CLTA: variants seen among roughly 807,000 people sequenced by gnomAD.
The protein encoded by CLTA is clathrin light chain A.
A neutral mutation model predicts 26.9 loss-of-function variants in CLTA; 9 were observed. The ratio of observed to expected loss-of-function variants is 0.33; its 90% CI spans 0.20 to 0.58. The LOEUF (loss-of-function observed/expected upper bound fraction) is 0.58. Among genes scored for constraint, CLTA ranks in the 20% least tolerant of loss-of-function variants. The pLI, the probability that CLTA is intolerant of heterozygous loss-of-function variation, is 0.85. For missense variants in CLTA, 278 were observed against 294.2 expected, an observed-to-expected ratio of 0.94 and a Z score of 0.40; for synonymous variants, 120 against 115.5, an observed-to-expected ratio of 1.04 and a Z score of -0.25.
At position 36,191,046 on chromosome 9, in the gene CLTA, A is replaced by G. The variant is rs1224431013; in HGVS notation, c.-11A>G. ...CTCACCGTTGGTGTCCGTGCCGTTCAGTTGCCCGCCATGGCTGAGCTGGAT... is the reference window on the plus strand; with the variant it reads ...CTCACCGTTGGTGTCCGTGCCGTTCGGTTGCCCGCCATGGCTGAGCTGGAT... On this transcript the variant is annotated 5_prime_UTR_variant, in exon 1 of 5. Transcript: ENST00000345519. The G allele has an allele frequency of 6.5e-7, 1 of 1,529,160 alleles. No homozygotes were observed. The highest frequency in any genetic ancestry group is 2.1e-5 in the Admixed American group (1 of 47,026). 94.7% of individuals were successfully genotyped at this position (1,529,160 alleles called of 1,614,324 possible). A position where few individuals can be genotyped will look rare whatever the true frequency, so the allele number is the denominator to read the frequency against.
chr9:36,190,986 C>T lies in CLTA; in HGVS notation c.-71C>T, dbSNP rs1826658594. ...CCAGTCGGCACCACAGCGGTGGCTG[C>T]CGGGCGTGGTGTCGGTGGGTCGGTT... On this transcript the variant is annotated 5_prime_UTR_variant, in exon 1 of 5. Transcript: ENST00000345519. The T allele has an allele frequency of 7.5e-6, 11 of 1,462,006 alleles. No homozygotes were observed. Among genetic ancestry groups the T allele is most frequent in the Non-Finnish European group, 9.0e-6 (10 of 1,117,308 alleles). 90.6% of individuals were successfully genotyped at this position (1,462,006 alleles called of 1,614,324 possible).
intron 4 of CLTA, among the ~76,000 whole-genome samples, chr9:36,206,271 C>T (rs1009734367): frequency 6.6e-6 from 1 of 151,846 alleles, no homozygotes; most frequent in Non-Finnish European, 1.5e-5. Flanking sequence ...CTTGTGGGAA[C>T]CTTGCAGCAC....
chr9:36,207,034 G>A (rs945346407), intron 4 of CLTA, among the ~76,000 whole-genome samples: 3 of 152,172 alleles, frequency 2.0e-5, no homozygotes, highest in Non-Finnish European at 4.4e-5. Flanking sequence ...GAGGAAAGTC[G>A]GAGACAGGAA....
At chr9:36,202,705 T>G (rs1341998735) in intron 3 of CLTA, among the ~76,000 whole-genome samples, 1 of 152,234 alleles carries the variant, frequency 6.6e-6, no homozygotes, top group Non-Finnish European at 1.5e-5. Flanking sequence ...GGGATTGTTG[T>G]AAAGATTGAG....
At position 36,211,870 on chromosome 9, in the gene CLTA, G is replaced by A. The variant is rs1282003310; in HGVS notation, c.*96G>A. 5 of 1,065,356 alleles carry A rather than the reference G, an allele frequency of 4.7e-6. No individual in the cohort carries two copies. In the Admixed American group the frequency reaches 1.2e-4, roughly 26 times the overall value. The allele number at this position is 1,065,356 out of a possible 1,614,324, so 66.0% of individuals were successfully genotyped here. A position where few individuals can be genotyped will look rare whatever the true frequency, so the allele number is the denominator to read the frequency against. ...GGATTAATTATGTTGAGTTCTTTTGGACCAAACCTTTTTGTCTTTAGAGTT... is the reference window on the plus strand; with the variant it reads ...GGATTAATTATGTTGAGTTCTTTTGAACCAAACCTTTTTGTCTTTAGAGTT... On this transcript the variant is annotated 3_prime_UTR_variant, in exon 5 of 5. Transcript: ENST00000345519.
intron 4 of CLTA, chr9:36,210,595 CTCGTT>C (rs1827984620): frequency 6.2e-7 from 1 of 1,613,948 alleles, no homozygotes; most frequent in Non-Finnish European, 8.5e-7. Flanking sequence ...TAAAGTTTCT[CTCGTT>C]TCTTTTCTTC....
chr9:36,206,230 T>C (rs1827717534), intron 4 of CLTA, among the ~76,000 whole-genome samples: 1 of 152,186 alleles, frequency 6.6e-6, no homozygotes, highest in South Asian at 2.1e-4. Flanking sequence ...TCACTGAGAA[T>C]GTAGAGCTGC....
chr9:36,197,359 T>C (rs937789494), intron 1 of CLTA, among the ~76,000 whole-genome samples, 192 bp from the exon 2 acceptor site: 8 of 152,224 alleles, frequency 5.3e-5, no homozygotes, highest in Non-Finnish European at 1.5e-5. Flanking sequence ...TAAGGACAGA[T>C]GTGTACACAT....
chr9:36,197,221 A>G (rs189388241), intron 1 of CLTA, among the ~76,000 whole-genome samples: 3,933 of 151,262 alleles, frequency 0.026, 185 homozygotes, highest in African/African-American at 0.091. Context: ...TCCAGGCCAC[A>G]CTTTTTTTTT....
chr9:36,203,124 C>A (rs1029183336), intron 3 of CLTA, among the ~76,000 whole-genome samples: 3 of 152,110 alleles, frequency 2.0e-5, no homozygotes, highest in Non-Finnish European at 4.4e-5. Flanking sequence ...TGAGCCACCA[C>A]AAGCAGCCGG....
Position 36,190,946 on chromosome 9 carries a change from G to A in CLTA, c.-111G>A, listed in dbSNP as rs1357357426. The A allele has an allele frequency of 1.4e-6, 2 of 1,428,510 alleles. No individual in the cohort carries two copies. The highest frequency in any genetic ancestry group is 3.0e-5 in the Admixed American group (1 of 33,122). 88.5% of individuals were successfully genotyped at this position (1,428,510 alleles called of 1,614,324 possible). A position where few individuals can be genotyped will look rare whatever the true frequency, so the allele number is the denominator to read the frequency against. ...CCGCTTTACCCGTCTCCCTCCTGGC[G>A]CTTGTCCTCCTCTCCCAGTCGGCAC... On this transcript the variant is annotated 5_prime_UTR_variant, in exon 1 of 5. Transcript: ENST00000345519.
intron 1 of CLTA, among the ~76,000 whole-genome samples, chr9:36,193,956 A>G (rs1018665939): frequency 2.6e-5 from 4 of 152,316 alleles, no homozygotes; most frequent in East Asian, 1.9e-4. Flanking sequence ...AAAGCTCTCA[A>G]TCATGAGGGC....
intron 4 of CLTA, among the ~76,000 whole-genome samples, chr9:36,207,456 T>G (rs1827791953): frequency 6.6e-6 from 1 of 152,246 alleles, no homozygotes; most frequent in Non-Finnish European, 1.5e-5. Flanking sequence ...AAACATTTTT[T>G]TCTGTGCCCA....
At chr9:36,210,536 G>C (rs751999559) in intron 4 of CLTA, 1 of 1,601,640 alleles carries the variant, frequency 6.2e-7, no homozygotes, top group African/African-American at 1.3e-5. Flanking sequence ...GGCATGTCCA[G>C]CTTACTGACC....
chr9:36,210,888 A>G (rs1237487154), intron 4 of CLTA, among the ~76,000 whole-genome samples: 2 of 152,154 alleles, frequency 1.3e-5, no homozygotes, highest in Admixed American at 6.5e-5. Context: ...AGCTCCCACC[A>G]GTTAATTCCG....
In CLTA at chr9:36,196,150, C is replaced by T. The variant is rs139127267; in HGVS notation, c.218-1401C>T. Among the ~76,000 whole-genome samples, 101 of 151,580 alleles carry T rather than the reference C, an allele frequency of 6.7e-4. 2 individuals are homozygous for T. In the East Asian group the frequency reaches 0.019, roughly 29 times the overall value. On this transcript the variant is annotated intron_variant, in intron 1 of 4. Coordinates refer to ENST00000345519, the MANE Select transcript of CLTA (RefSeq NM_001833.4). The stretch of plus-strand genomic sequence containing the variant: ...AAAAAATTAGGTGGGCATGATAGCT[C>T]ACGCCTGTAGTCCCAGCTACTCAGG...
intron 3 of CLTA, among the ~76,000 whole-genome samples, chr9:36,199,867 T>G (rs1009554916): frequency 6.6e-6 from 1 of 152,188 alleles, no homozygotes; most frequent in African/African-American, 2.4e-5. Context: ...TAAGGTAAGT[T>G]TTACAATTTT....
intron 1 of CLTA, 33 bp downstream of exon 1, chr9:36,191,306 C>T: frequency 6.8e-7 from 1 of 1,480,530 alleles, no homozygotes; most frequent in Non-Finnish European, 8.9e-7. Flanking sequence ...GGCGAGAGGA[C>T]TTGTCTGGAA....
chr9:36,192,760 T>A (rs1366931479), intron 1 of CLTA, among the ~76,000 whole-genome samples: 17 of 152,214 alleles, frequency 1.1e-4, no homozygotes. Flanking sequence ...GCCCCAAGTC[T>A]ACCCACTCTT....
Sources: gnomAD v4.1 joint callset for allele counts (sites outside exome capture counted in the v4.1 genomes callset) on GRCh38, gnomAD v4.1.1 for gene constraint, MANE v1.5 for transcripts, NCBI Gene and HGNC (gene_info 2026-07-23, HGNC 2026-07-21) for gene names.